The following ANKRD28 variants were observed in gnomAD, a reference collection of about 807,000 sequenced individuals.
The protein encoded by ANKRD28 is ankyrin repeat domain 28.
Under a neutral mutation model 126.5 loss-of-function variants are expected in ANKRD28, and 44 were observed. That is an observed-to-expected ratio of 0.35 (90% CI 0.27 to 0.45). The LOEUF is 0.45. Ranked by LOEUF, ANKRD28 falls within the 20% of genes least tolerant of loss-of-function variation. The pLI is 1.00. For missense variants in ANKRD28, 1,110 were observed against 1,316.6 expected (o/e 0.84, Z 2.43); for synonymous variants, 442 against 468.5 (o/e 0.94, Z 0.73).
chr3:15,776,599 C>T (rs1165915310), intron 2 of ANKRD28, among the ~76,000 whole-genome samples: 2 of 151,854 alleles, frequency 1.3e-5, no homozygotes, highest in African/African-American at 4.8e-5. Flanking sequence ...TAAAAATTTA[C>T]GGGTAACACT....
chr3:15,817,785 C>T lies in ANKRD28; in HGVS notation c.28-22479G>A, dbSNP rs992572742. Among the ~76,000 whole-genome samples, 34 of 152,122 alleles carry T rather than the reference C, an allele frequency of 2.2e-4. 5 individuals are homozygous for T. Among genetic ancestry groups the T allele is most frequent in the Admixed American group, 9.8e-4 (15 of 15,276 alleles). ...ATCATATTGAAAGAAAGAGCACTGC[C>T]ATAAGGGTAGAAGGAATAAGGGATA... On this transcript the variant is annotated intron_variant, in intron 1 of 27. Coordinates refer to the ANKRD28 transcript ENST00000399451. The surrounding 1 kb of genome is among the most constrained non-coding windows in gnomAD (Gnocchi z 4.5).
chr3:15,820,876 C>T (rs1175265117), intron 1 of ANKRD28, among the ~76,000 whole-genome samples: 1 of 152,058 alleles, frequency 6.6e-6, no homozygotes, highest in Non-Finnish European at 1.5e-5. Flanking sequence ...TTGACACTTC[C>T]TTCTGAAAAA....
chr3:15,713,667 C>G, intron 9 of ANKRD28, 26 bp from the exon 10 acceptor site: 1 of 1,469,730 alleles, frequency 6.8e-7, no homozygotes, highest in South Asian at 1.2e-5. Context: ...TACTGTCAGA[C>G]ACTGGACCAT....
At chr3:15,769,190 A>G (rs968016241) in intron 2 of ANKRD28, among the ~76,000 whole-genome samples, 3 of 152,204 alleles carry the variant, frequency 2.0e-5, no homozygotes, top group African/African-American at 7.2e-5. Context: ...CTGGAATTCT[A>G]TGACTCAATG....
intron 14 of ANKRD28, among the ~76,000 whole-genome samples, chr3:15,703,185 A>G (rs945690435): frequency 4.6e-5 from 7 of 152,272 alleles, no homozygotes; most frequent in Non-Finnish European, 8.8e-5. Flanking sequence ...GTAATAAAAA[A>G]TATCAGATAC....
intron 3 of ANKRD28, among the ~76,000 whole-genome samples, chr3:15,764,948 T>C (rs948343383): frequency 2.0e-5 from 3 of 152,108 alleles, no homozygotes; most frequent in Admixed American, 6.5e-5. Flanking sequence ...TCCAACTGAT[T>C]CTTAAATTTT....
rs143130456 is a variant in ANKRD28 at position 15,854,877 on chromosome 3, C to T, written c.27+4500G>A. ...TATCCTGGCCAACATGGTGAAACCC[C>T]GTCTCTACTAAAATTACAAAAATTA... On this transcript the variant is annotated intron_variant, in intron 1 of 27. Transcript: ENST00000399451. The surrounding 1 kb of genome is among the most constrained non-coding windows in gnomAD (Gnocchi z 4.1). 9.4e-3 allele frequency among the ~76,000 whole-genome samples: 1,429 copies of T among 152,130 alleles called. 33 individuals are homozygous for T. The highest frequency in any genetic ancestry group is 0.031 in the African/African-American group (1,307 of 41,506).
intron 1 of ANKRD28, among the ~76,000 whole-genome samples, chr3:15,851,685 CG>C (rs2065742082): frequency 6.6e-6 from 1 of 152,090 alleles, no homozygotes; most frequent in Non-Finnish European, 1.5e-5. Context: ...AATGCTCATA[CG>C]CTGCTGGGAA....
At chr3:15,724,648 G>C in intron 6 of ANKRD28, 124 bp from the exon 7 acceptor site, 1 of 895,176 alleles carries the variant, frequency 1.1e-6, no homozygotes, top group Non-Finnish European at 1.6e-6. Flanking sequence ...AGTCATCAAT[G>C]AATCATGTTA....
Position 15,853,080 on chromosome 3 carries a change from A to C in ANKRD28, c.27+6297T>G, listed in dbSNP as rs2061686904. Among the ~76,000 whole-genome samples, 4 of 152,272 alleles carry C rather than the reference A, an allele frequency of 2.6e-5. No individual in the cohort carries two copies. The South Asian group carries it at 8.3e-4, about 32-fold the overall frequency. On this transcript the variant is annotated intron_variant, in intron 1 of 27. Coordinates refer to the ANKRD28 transcript ENST00000399451. This position sits in a 1 kb window ranked among gnomAD's most constrained non-coding sequence, Gnocchi z 4.2. ...TGGGAATGGAAATTAAACCTAAAAT[A>C]TTTGAAAATTAAACCACTTCAACTT...
Position 15,714,662 on chromosome 3 carries a change from G to A in ANKRD28, c.997-6C>T. 6.3e-7 allele frequency: 1 copy of A among 1,575,676 alleles called. No individual in the cohort carries two copies. Among genetic ancestry groups the A allele is most frequent in the Non-Finnish European group, 8.6e-7 (1 of 1,167,416 alleles). On this transcript the variant is annotated splice_region_variant and splice_polypyrimidine_tract_variant and intron_variant, in intron 8 of 27. Coordinates refer to ENST00000683139, the MANE Select transcript of ANKRD28 (RefSeq NM_001349278.2). ...GGGGTTTTCCCATCTTTACTCTGGG[G>A]GGGGAAGAAAAAAATTACTCACTCT...
At chr3:15,729,802 C>A (rs1252583004) in intron 6 of ANKRD28, among the ~76,000 whole-genome samples, 1 of 152,042 alleles carries the variant, frequency 6.6e-6, no homozygotes, top group Non-Finnish European at 1.5e-5. Context: ...CAGCCTCTTT[C>A]CCCCCATTTT....
chr3:15,679,971 G>A (rs150004655), intron 21 of ANKRD28, among the ~76,000 whole-genome samples: 339 of 152,184 alleles, frequency 2.2e-3, no homozygotes, highest in African/African-American at 7.9e-3. Context: ...TTAAAGTATA[G>A]CAGAGAATGT....
At chr3:15,742,429 AC>A (rs1246228701) in intron 4 of ANKRD28, among the ~76,000 whole-genome samples, 1 of 137,560 alleles carries the variant, frequency 7.3e-6, no homozygotes, top group Non-Finnish European at 1.6e-5. Context: ...CCTGGCCGCG[AC>A]CCCGTCTGGG....
At position 15,757,639 on chromosome 3, in the gene ANKRD28, T is replaced by C. The variant is rs569016629; in HGVS notation, c.281-5819A>G. 1.2e-4 allele frequency among the ~76,000 whole-genome samples: 19 copies of C among 152,226 alleles called. 1 individual carries two copies. Among genetic ancestry groups the C allele is most frequent in the South Asian group, 8.3e-4 (4 of 4,818 alleles). ...GCGCTCCCTCACCCTTTCCACCATA[T>C]GAGGTTATACTAAAAAGACTGCTGG... On this transcript the variant is annotated intron_variant, in intron 3 of 27. Coordinates refer to ENST00000683139, the MANE Select transcript of ANKRD28 (RefSeq NM_001349278.2).
intron 3 of ANKRD28, among the ~76,000 whole-genome samples, chr3:15,761,081 T>C (rs944062599): frequency 6.6e-6 from 1 of 152,192 alleles, no homozygotes; most frequent in Non-Finnish European, 1.5e-5. Context: ...ATTTAGAGAA[T>C]ATAGAACTCT....
intron 2 of ANKRD28, chr3:15,781,531 A>G (rs1429154802): frequency 6.6e-6 from 1 of 152,162 alleles, no homozygotes; most frequent in African/African-American, 2.4e-5. Flanking sequence ...TGATTTGGCA[A>G]TTAAAACTAA....
At chr3:15,675,232 C>G (rs2066811357) in intron 27 of ANKRD28, among the ~76,000 whole-genome samples, 1 of 152,112 alleles carries the variant, frequency 6.6e-6, no homozygotes, top group African/African-American at 2.4e-5. Flanking sequence ...GATCATGGCA[C>G]TGCACTCCAG....
chr3:15,719,770 G>A (rs944060524), intron 8 of ANKRD28, among the ~76,000 whole-genome samples: 7 of 152,130 alleles, frequency 4.6e-5, no homozygotes, highest in South Asian at 2.1e-4. Context: ...GCCCAGGCTG[G>A]TCTTGAACTC....
Sources: gnomAD v4.1 joint callset for allele counts (sites outside exome capture counted in the v4.1 genomes callset) on GRCh38, gnomAD v4.1.1 for gene constraint, Gnocchi (gnomAD v3.1) non-coding constraint, MANE v1.5 for transcripts, NCBI Gene and HGNC (gene_info 2026-07-23, HGNC 2026-07-21) for gene names.